DOCK1: variants seen among roughly 807,000 people sequenced by gnomAD.
DOCK1 encodes the protein dedicator of cytokinesis protein 1.
In DOCK1, 138 loss-of-function variants were observed where a neutral mutation model predicts 262.7. The ratio of observed to expected loss-of-function variants is 0.53; its 90% CI spans 0.46 to 0.61. The LOEUF (loss-of-function observed/expected upper bound fraction) is 0.61, where lower values mean the gene tolerates loss of function less well. DOCK1 is among the 20% of genes least tolerant of loss of function. DOCK1 has a pLI of 0.00. For missense variants in DOCK1, 1,908 were observed against 2,370.7 expected, an observed-to-expected ratio of 0.80 and a Z score of 4.05; for synonymous variants, 866 against 867.4, an observed-to-expected ratio of 1.00 and a Z score of 0.03.
chr10:127,379,664 G>A (rs186791578), intron 35 of DOCK1, among the ~76,000 whole-genome samples: 1 of 152,166 alleles, frequency 6.6e-6, no homozygotes, highest in African/African-American at 2.4e-5. Context: ...CTGAGGCTGG[G>A]CCCAGAAAGC....
chr10:127,191,894 A>G (rs796124173), intron 27 of DOCK1, among the ~76,000 whole-genome samples: 21 of 152,324 alleles, frequency 1.4e-4, no homozygotes, highest in African/African-American at 5.1e-4. Flanking sequence ...TTTATTTGCA[A>G]GGCTGCCTGT....
intron 38 of DOCK1, among the ~76,000 whole-genome samples, chr10:127,392,428 T>A (rs1590856121): frequency 6.6e-6 from 1 of 152,200 alleles, no homozygotes; most frequent in East Asian, 1.9e-4. Context: ...TGGCCTGGGC[T>A]CCACTCCATT....
intron 16 of DOCK1, among the ~76,000 whole-genome samples, chr10:127,028,320 C>CT (rs1299398447): frequency 1.8e-4 from 27 of 152,208 alleles, no homozygotes; most frequent in African/African-American, 6.5e-4. Flanking sequence ...CCTTGGTGGC[C>CT]GAAGCTGTAG....
At position 127,215,825 on chromosome 10, in the gene DOCK1, C is replaced by A. The variant is rs2058182917; in HGVS notation, c.2848-32183C>A. ...CCATAGCAAAAACAAGCAAACAACA[C>A]CCCCCCTCACCCCCCAGAAAACAAC... On this transcript the variant is annotated intron_variant, in intron 27 of 51. Transcript: ENST00000623213. Among the ~76,000 whole-genome samples, 6 of 151,436 alleles carry A rather than the reference C, an allele frequency of 4.0e-5. No individual in the cohort carries two copies. The South Asian group carries it at 1.2e-3, about 32-fold the overall frequency.
intron 1 of DOCK1, among the ~76,000 whole-genome samples, chr10:126,962,378 C>CT (rs1296773489): frequency 2.0e-5 from 3 of 152,354 alleles, no homozygotes; most frequent in South Asian, 4.1e-4. Flanking sequence ...AGGCTGATCT[C>CT]TAACTCCTGA....
At chr10:127,404,523 C>A in intron 40 of DOCK1, 94 bp downstream of exon 40, 1 of 1,202,128 alleles carries the variant, frequency 8.3e-7, no homozygotes, top group Non-Finnish European at 1.2e-6. Flanking sequence ...TTTGCATCCG[C>A]GTGGGATCGT....
Position 127,409,392 on chromosome 10 carries a change from GTAA to G in DOCK1, c.4343+6_4343+8del. ...GGCCAGTGTCAGAGCAGATTGTAAG[GTAA>G]TAATCCCATTTTTCTTACCCAACGT... On this transcript the variant is annotated splice_donor_variant and splice_donor_region_variant and intron_variant, in intron 42 of 51. Coordinates refer to ENST00000623213, the MANE Select transcript of DOCK1 (RefSeq NM_001290223.2). LOFTEE classifies it high-confidence loss of function. 6.2e-7 allele frequency: 1 copy of G among 1,613,946 alleles called. No homozygotes were observed. The highest frequency in any genetic ancestry group is 1.1e-5 in the South Asian group (1 of 91,078).
At chr10:127,339,733 G>GTGTGTGCATGCA (rs71032552) in intron 30 of DOCK1, among the ~76,000 whole-genome samples, 1 of 109,230 alleles carries the variant, frequency 9.2e-6, no homozygotes, top group Non-Finnish European at 1.9e-5. Context: ...GTGTGTGTGT[G>GTGTGTGCATGCA]TGCATGCTGT....
intron 51 of DOCK1, among the ~76,000 whole-genome samples, chr10:127,449,397 CTCT>C (rs78516465): frequency 0.57 from 85,956 of 151,692 alleles, 24,786 homozygotes; most frequent in Middle Eastern, 0.71. Flanking sequence ...CAGCCAATTC[CTCT>C]TCTTGTTACA....
Position 127,373,788 on chromosome 10 carries a change from A to G in DOCK1, c.3440A>G (p.Asn1147Ser). ...TCCTCTGTTTAATTATAGTTTGAAA[A>G]TGAGATCATCACCAAGCTGGATCAT... ...HSTRSFQMFENEIITKLDHEV... is the reference protein window; with the variant it reads ...HSTRSFQMFESEIITKLDHEV... The change falls in exon 34 of 52, where the codon AAT becomes AGT. Residue 1147 changes from asparagine (N) to serine (S), a missense_variant. Asn to Ser is a conservative substitution (Grantham distance 46, BLOSUM62 1). Around this residue, in one of 9 missense-constraint regions of DOCK1, gnomAD observed 518 missense variants for 575.1 expected, o/e 0.90. Transcript: ENST00000623213. The G allele has an allele frequency of 6.2e-7, 1 of 1,609,692 alleles. No homozygotes were observed. Among genetic ancestry groups the G allele is most frequent in the South Asian group, 1.1e-5 (1 of 89,758 alleles).
chr10:127,023,023 A>T (rs1030900375), intron 13 of DOCK1, among the ~76,000 whole-genome samples, 177 bp from the exon 14 acceptor site: 2 of 152,202 alleles, frequency 1.3e-5, no homozygotes, highest in Non-Finnish European at 2.9e-5. Flanking sequence ...CTTTATCATG[A>T]TGAAAATTGC....
Position 127,055,533 on chromosome 10 carries a change from T to C in DOCK1, c.2336+2718T>C, listed in dbSNP as rs191025161. On this transcript the variant is annotated intron_variant, in intron 22 of 51. Coordinates refer to ENST00000623213, the MANE Select transcript of DOCK1 (RefSeq NM_001290223.2). ...TTTAGATGGGCTGGTTGATGCTTTC[T>C]ACAATACCAGAGTGATTTTAGTAAA... Among the ~76,000 whole-genome samples, 192 of 152,354 alleles carry C rather than the reference T, an allele frequency of 1.3e-3. 3 individuals are homozygous for C. The highest frequency in any genetic ancestry group is 8.8e-5 in the Non-Finnish European group (6 of 68,032).
intron 38 of DOCK1, among the ~76,000 whole-genome samples, chr10:127,401,061 C>G (rs993226481): frequency 1.3e-5 from 2 of 152,096 alleles, no homozygotes; most frequent in Non-Finnish European, 2.9e-5. Flanking sequence ...TCTACCCAGA[C>G]CACCAGCCCC....
At chr10:126,919,284 T>C (rs1364815978) in intron 1 of DOCK1, among the ~76,000 whole-genome samples, 1 of 152,236 alleles carries the variant, frequency 6.6e-6, no homozygotes, top group Non-Finnish European at 1.5e-5. Context: ...ACTTATTTTC[T>C]TTAACATAAT....
At chr10:127,253,121 A>T (rs925437466) in intron 28 of DOCK1, among the ~76,000 whole-genome samples, 1 of 152,168 alleles carries the variant, frequency 6.6e-6, no homozygotes, top group South Asian at 2.1e-4. Flanking sequence ...AACCACAAAG[A>T]ATCTGTAGAA....
Position 127,176,424 on chromosome 10 carries a change from G to A in DOCK1, c.2847+48660G>A, listed in dbSNP as rs370855704. The A allele has an allele frequency of 1.3e-6, 2 of 1,558,106 alleles. No homozygotes were observed. Among genetic ancestry groups the A allele is most frequent in the African/African-American group, 1.3e-5 (1 of 74,084 alleles). Reference sequence around the variant, plus strand: ...TCCTGCATTCAGAAACAGCAACAGAGGTGTCAGTGGGACAGAAATACACAC... The same window carrying A: ...TCCTGCATTCAGAAACAGCAACAGAAGTGTCAGTGGGACAGAAATACACAC... On this transcript the variant is annotated intron_variant, in intron 27 of 51. Transcript: ENST00000623213. The surrounding 1 kb of genome is among the most constrained non-coding windows in gnomAD (Gnocchi z 4.4).
intron 22 of DOCK1, among the ~76,000 whole-genome samples, chr10:127,060,941 T>C (rs2045489427): frequency 2.0e-5 from 3 of 152,222 alleles, no homozygotes; most frequent in South Asian, 4.1e-4. Context: ...TTTAAAAACA[T>C]TGGTAGTGGC....
chr10:127,065,802 C>T (rs1333436422), intron 23 of DOCK1, among the ~76,000 whole-genome samples: 2 of 151,964 alleles, frequency 1.3e-5, no homozygotes, highest in Admixed American at 6.6e-5. Flanking sequence ...TGCAGTGAGC[C>T]GAGATCGCGC....
At chr10:127,372,368 A>T (rs894024934) in intron 33 of DOCK1, among the ~76,000 whole-genome samples, 1 of 152,186 alleles carries the variant, frequency 6.6e-6, no homozygotes, top group Non-Finnish European at 1.5e-5. Flanking sequence ...TGTCTGTCAC[A>T]GGCACTCTGG....
Sources: allele counts gnomAD v4.1 joint callset (sites outside exome capture counted in the v4.1 genomes callset), GRCh38; gene constraint gnomAD v4.1.1; regional missense constraint gnomAD v4.1.1; non-coding constraint Gnocchi (gnomAD v3.1); transcripts MANE v1.5; gene names NCBI Gene and HGNC (gene_info 2026-07-23, HGNC 2026-07-21).